ZFHX3: variants seen among roughly 807,000 people sequenced by gnomAD.
ZFHX3 encodes the protein zinc finger homeobox 3.
ZFHX3 carries 42 observed loss-of-function variants against 279.1 expected under a neutral mutation model. That is an observed-to-expected ratio of 0.15 (90% CI 0.12 to 0.19). The LOEUF (loss-of-function observed/expected upper bound fraction) is 0.19, where lower values mean the gene tolerates loss of function less well. Among genes scored for constraint, ZFHX3 ranks in the 10% least tolerant of loss-of-function variants. The probability of loss-of-function intolerance (pLI) is 1.00; values close to 1 mark genes in which losing one functional copy is unlikely to be tolerated. For missense variants in ZFHX3, 4,981 were observed against 4,754.0 expected, an observed-to-expected ratio of 1.05 and a Z score of -1.40; for synonymous variants, 2,293 against 1,957.8, an observed-to-expected ratio of 1.17 and a Z score of -4.52.
intron 3 of ZFHX3, among the ~76,000 whole-genome samples, chr16:73,338,361 G>T (rs1446215830): frequency 5.3e-5 from 8 of 152,138 alleles, no homozygotes; most frequent in Non-Finnish European, 1.0e-4. Flanking sequence ...CAACCGGGAG[G>T]CTGGGCACAT....
At chr16:72,872,433 G>C (rs182782966) in intron 4 of ZFHX3, among the ~76,000 whole-genome samples, 2 of 152,010 alleles carry the variant, frequency 1.3e-5, no homozygotes, top group Non-Finnish European at 2.9e-5. Context: ...AGGAGATTAC[G>C]AGAAAAATAG....
chr16:73,498,644 G>C (rs1405135979), intron 2 of ZFHX3, among the ~76,000 whole-genome samples: 1 of 152,194 alleles, frequency 6.6e-6, no homozygotes, highest in Non-Finnish European at 1.5e-5. Flanking sequence ...TTATTGGCTA[G>C]CAGAGAGCCA....
At chr16:73,880,876 G>A (rs1326338723) in intron 1 of ZFHX3, among the ~76,000 whole-genome samples, 2 of 152,162 alleles carry the variant, frequency 1.3e-5, no homozygotes, top group South Asian at 2.1e-4. Context: ...TAAACGACAT[G>A]TCTCTGCACC....
At chr16:73,760,693 T>A (rs2053854802) in intron 1 of ZFHX3, among the ~76,000 whole-genome samples, 1 of 152,080 alleles carries the variant, frequency 6.6e-6, no homozygotes, top group Non-Finnish European at 1.5e-5. Context: ...TAAATGTAAT[T>A]CATTACATAA....
At chr16:73,354,168 A>G (rs908658661) in intron 3 of ZFHX3, among the ~76,000 whole-genome samples, 4 of 152,186 alleles carry the variant, frequency 2.6e-5, no homozygotes, top group African/African-American at 9.7e-5. Context: ...CTAAAACTAA[A>G]AATCATTTAG....
At chr16:73,108,777 G>GT (rs1966335780) in intron 7 of ZFHX3, among the ~76,000 whole-genome samples, 3 of 152,192 alleles carry the variant, frequency 2.0e-5, no homozygotes, top group Admixed American at 2.0e-4. Flanking sequence ...CTTATTACCT[G>GT]TTGATTAGGT....
chr16:72,830,539 T>C (rs997526598), intron 4 of ZFHX3, among the ~76,000 whole-genome samples: 1 of 152,202 alleles, frequency 6.6e-6, no homozygotes, highest in Non-Finnish European at 1.5e-5. Flanking sequence ...ACACTTTCTT[T>C]TTGAAGCAAT....
intron 2 of ZFHX3, among the ~76,000 whole-genome samples, chr16:73,521,441 A>G (rs1359645494): frequency 1.3e-5 from 2 of 152,200 alleles, no homozygotes; most frequent in African/African-American, 2.4e-5. Context: ...ACCTACCACA[A>G]TAGTACTGGT....
intron 1 of ZFHX3, among the ~76,000 whole-genome samples, chr16:73,744,502 T>A (rs1264714538): frequency 6.6e-6 from 1 of 152,202 alleles, no homozygotes; most frequent in African/African-American, 2.4e-5. Context: ...TCAGGCCAGA[T>A]CACATGCAAG....
chr16:73,239,909 G>A (rs1355643074), intron 5 of ZFHX3, among the ~76,000 whole-genome samples: 1 of 152,110 alleles, frequency 6.6e-6, no homozygotes, highest in African/African-American at 2.4e-5. Context: ...TCGCTCCTAG[G>A]GGAAATAGAG....
In ZFHX3 at chr16:73,002,491, T is replaced by C. The variant is rs577119127; in HGVS notation, c.-49-42297A>G. On this transcript the variant is annotated intron_variant, in intron 1 of 9. Transcript: ENST00000268489. ...TGCCCACCCAGCTTATGCTGAGGTGTGATCTAAGTTTGCTTTGAAATTCAG... is the reference window on the plus strand; with the variant it reads ...TGCCCACCCAGCTTATGCTGAGGTGCGATCTAAGTTTGCTTTGAAATTCAG... Among the ~76,000 whole-genome samples the C allele has an allele frequency of 7.6e-4, 115 of 152,262 alleles. 1 individual carries two copies. Among genetic ancestry groups the C allele is most frequent in the African/African-American group, 2.7e-3 (113 of 41,552 alleles).
At chr16:72,957,078 C>T (rs1961284208) in intron 2 of ZFHX3, among the ~76,000 whole-genome samples, 1 of 151,982 alleles carries the variant, frequency 6.6e-6, no homozygotes, top group African/African-American at 2.4e-5. Flanking sequence ...AGTAAATATT[C>T]GATGAAACCC....
At position 72,788,818 on chromosome 16, in the gene ZFHX3, C is replaced by G; in HGVS notation, c.9458G>C (p.Gly3153Ala). The stretch of plus-strand genomic sequence containing the variant: ...GGAAGGAACAGTTGTGCTGGGCAGA[C>G]CCATCAAGTTCGGCTTAGGAGACGT... ...ALTSPKPNLM[G>A]LPSTTVPSPG... The change falls in exon 10 of 10, where the codon GGT (glycine) becomes GCT (alanine). Residue 3153 changes from glycine (G) to alanine (A), a missense_variant. By Grantham distance (60) the Gly-to-Ala change is moderately conservative. Coordinates refer to ENST00000268489, the MANE Select transcript of ZFHX3 (RefSeq NM_006885.4). The G allele has an allele frequency of 6.6e-7, 1 of 1,525,524 alleles. No individual in the cohort carries two copies. Among genetic ancestry groups the G allele is most frequent in the Non-Finnish European group, 8.8e-7 (1 of 1,140,178 alleles). 94.5% of individuals were successfully genotyped at this position (1,525,524 alleles called of 1,614,324 possible).
chr16:73,105,294 CAT>C (rs1197148935), intron 7 of ZFHX3, among the ~76,000 whole-genome samples: 1 of 147,200 alleles, frequency 6.8e-6, no homozygotes, highest in Non-Finnish European at 1.5e-5. Flanking sequence ...CACACACATA[CAT>C]ATATATACAT....
At chr16:73,777,170 G>T (rs1356800558) in intron 1 of ZFHX3, among the ~76,000 whole-genome samples, 1 of 152,076 alleles carries the variant, frequency 6.6e-6, no homozygotes, top group African/African-American at 2.4e-5. Context: ...AAGGATCCCT[G>T]TCCTCCGCCA....
intron 7 of ZFHX3, among the ~76,000 whole-genome samples, chr16:73,108,936 C>A (rs531128981): frequency 6.6e-6 from 1 of 152,330 alleles, no homozygotes; most frequent in Non-Finnish European, 1.5e-5. Context: ...TTGTTGGGGG[C>A]GTTTGCCAGC....
At chr16:73,692,520 A>G (rs187991149) in intron 1 of ZFHX3, among the ~76,000 whole-genome samples, 1 of 152,356 alleles carries the variant, frequency 6.6e-6, no homozygotes, top group African/African-American at 2.4e-5. Context: ...ATTTTTAAAG[A>G]GCCAAGAGAT....
At chr16:73,076,064 C>T (rs558489650) in intron 8 of ZFHX3, among the ~76,000 whole-genome samples, 3 of 152,294 alleles carry the variant, frequency 2.0e-5, no homozygotes, top group South Asian at 2.1e-4. Context: ...TGTAACTTCT[C>T]CTTGTAAAAT....
At chr16:72,834,591 G>A (rs1273758144) in intron 4 of ZFHX3, among the ~76,000 whole-genome samples, 1 of 152,154 alleles carries the variant, frequency 6.6e-6, no homozygotes, top group Non-Finnish European at 1.5e-5. Flanking sequence ...CATCGGTGGT[G>A]AAATCTGCTC....
Sources: allele counts gnomAD v4.1 joint callset (sites outside exome capture counted in the v4.1 genomes callset), GRCh38; gene constraint gnomAD v4.1.1; transcripts MANE v1.5; gene names NCBI Gene and HGNC (gene_info 2026-07-23, HGNC 2026-07-21).